Variants in SPAG16 observed in about 807,000 individuals in gnomAD.
The protein encoded by SPAG16 is sperm-associated antigen 16 protein.
In SPAG16, 86 loss-of-function variants were observed where a neutral mutation model predicts 80.4. That is an observed-to-expected ratio of 1.07 (90% CI 0.90 to 1.28). The LOEUF (loss-of-function observed/expected upper bound fraction) is 1.28, where lower values mean the gene tolerates loss of function less well. SPAG16 is among the 50% of genes most tolerant of loss of function. SPAG16 has a pLI of 0.00. For missense variants in SPAG16, 870 were observed against 765.3 expected, an observed-to-expected ratio of 1.14 and a Z score of -1.61; for synonymous variants, 294 against 265.9, an observed-to-expected ratio of 1.11 and a Z score of -1.03.
chr2:213,927,853 G>A (rs528707692), intron 11 of SPAG16, among the ~76,000 whole-genome samples: 1 of 152,182 alleles, frequency 6.6e-6, no homozygotes, highest in Admixed American at 6.5e-5. Flanking sequence ...GATACCCATT[G>A]GAAAGATAGA....
chr2:214,363,090 C>T (rs1460789645), intron 15 of SPAG16, among the ~76,000 whole-genome samples: 5 of 151,812 alleles, frequency 3.3e-5, no homozygotes, highest in African/African-American at 1.2e-4. Flanking sequence ...TAATCTCTAC[C>T]TTTTTGTTAT....
At chr2:213,800,279 A>G (rs938866226) in intron 10 of SPAG16, among the ~76,000 whole-genome samples, 2 of 150,526 alleles carry the variant, frequency 1.3e-5, no homozygotes, top group Admixed American at 1.3e-4. Flanking sequence ...ACTTTCCTTC[A>G]TCTTGTCTCC....
intron 14 of SPAG16, among the ~76,000 whole-genome samples, chr2:214,123,818 G>A (rs2054340914): frequency 6.6e-6 from 1 of 151,986 alleles, no homozygotes; most frequent in African/African-American, 2.4e-5. Context: ...TCCTGAAGTG[G>A]TGACAACATG....
At chr2:213,986,454 G>A (rs746771064) in intron 12 of SPAG16, among the ~76,000 whole-genome samples, 3 of 151,778 alleles carry the variant, frequency 2.0e-5, no homozygotes, top group South Asian at 2.1e-4. Context: ...CTAAGGGGCT[G>A]TATTTTAGAT....
intron 15 of SPAG16, among the ~76,000 whole-genome samples, chr2:214,289,181 C>T (rs1221136999): frequency 1.3e-5 from 2 of 152,176 alleles, no homozygotes; most frequent in Non-Finnish European, 2.9e-5. Context: ...TATTTTCTCC[C>T]ATTCAACAGG....
intron 15 of SPAG16, among the ~76,000 whole-genome samples, chr2:214,231,308 G>A (rs1386880408): frequency 6.6e-6 from 1 of 151,886 alleles, no homozygotes; most frequent in Non-Finnish European, 1.5e-5. Flanking sequence ...TTTTGCAAGT[G>A]GATGTTTTAA....
intron 14 of SPAG16, among the ~76,000 whole-genome samples, chr2:214,139,810 C>T (rs113997557): frequency 0.016 from 2,428 of 152,222 alleles, 61 homozygotes; most frequent in African/African-American, 0.056. Flanking sequence ...GGCTTACTTT[C>T]CAACCTGACT....
At chr2:214,153,531 A>G (rs776905000) in intron 15 of SPAG16, among the ~76,000 whole-genome samples, 2 of 152,108 alleles carry the variant, frequency 1.3e-5, no homozygotes, top group African/African-American at 4.8e-5. Context: ...CTTGCCACCC[A>G]CAGTCTACCA....
rs148763773 is a variant in SPAG16, at chr2:213,952,788, A to G, written c.1400+22643A>G. ...TAAGGATAATTTGGACTTCAAAGAAATAACCAATAGCTGAAATATGGGTGT... is the reference window on the plus strand; with the variant it reads ...TAAGGATAATTTGGACTTCAAAGAAGTAACCAATAGCTGAAATATGGGTGT... On this transcript the variant is annotated intron_variant, in intron 12 of 15. Coordinates refer to ENST00000331683, the MANE Select transcript of SPAG16 (RefSeq NM_024532.5). Among the ~76,000 whole-genome samples the G allele has an allele frequency of 1.7e-3, 254 of 152,220 alleles. 2 individuals carry two copies. Among genetic ancestry groups the G allele is most frequent in the African/African-American group, 5.9e-3 (246 of 41,578 alleles).
At chr2:213,524,367 G>A (rs2075800696) in intron 10 of SPAG16, among the ~76,000 whole-genome samples, 1 of 152,200 alleles carries the variant, frequency 6.6e-6, no homozygotes, top group African/African-American at 2.4e-5. Flanking sequence ...TAGAACCTCT[G>A]CCAGAGTAGT....
chr2:214,355,162 T>C (rs1195666994), intron 15 of SPAG16, among the ~76,000 whole-genome samples: 1 of 150,102 alleles, frequency 6.7e-6, no homozygotes, highest in Non-Finnish European at 1.5e-5. Context: ...AAAGCCAAAA[T>C]TGACAAATGG....
chr2:213,694,573 G>C (rs967251865), intron 10 of SPAG16, among the ~76,000 whole-genome samples: 3 of 152,076 alleles, frequency 2.0e-5, no homozygotes, highest in Non-Finnish European at 4.4e-5. Flanking sequence ...TGACTTCCCT[G>C]AATTCCAAAA....
At chr2:213,579,278 C>T (rs989700393) in intron 10 of SPAG16, among the ~76,000 whole-genome samples, 1 of 152,054 alleles carries the variant, frequency 6.6e-6, no homozygotes, top group South Asian at 2.1e-4. Flanking sequence ...GAAAATGGGG[C>T]TTGATTCCAA....
rs952380038 is a variant in SPAG16 at position 214,038,559 on chromosome 2, T to C, written c.1527+24482T>C. On this transcript the variant is annotated intron_variant, in intron 13 of 15. Coordinates refer to ENST00000331683, the MANE Select transcript of SPAG16 (RefSeq NM_024532.5). ...TTCTTTTTTTTTAGATTTTTTTTAA[T>C]ACTTTAAGTTTTAGGGTACATGTGC... 3.3e-5 allele frequency among the ~76,000 whole-genome samples: 5 copies of C among 152,202 alleles called. No homozygotes were observed. The South Asian group carries it at 8.3e-4, about 25-fold the overall frequency.
intron 11 of SPAG16, among the ~76,000 whole-genome samples, chr2:213,928,741 G>T (rs865847566): frequency 1.3e-5 from 2 of 152,232 alleles, no homozygotes; most frequent in South Asian, 2.1e-4. Flanking sequence ...GAGATGAAAT[G>T]CAATTCTCCA....
At chr2:213,427,174 C>T (rs184180109) in intron 9 of SPAG16, among the ~76,000 whole-genome samples, 2 of 152,156 alleles carry the variant, frequency 1.3e-5, no homozygotes, top group African/African-American at 2.4e-5. Flanking sequence ...AAGTTGTGAA[C>T]ATAAAATAAT....
intron 11 of SPAG16, 129 bp from the exon 12 acceptor site, chr2:213,929,831 T>C (rs2078668799): frequency 1.4e-6 from 1 of 730,280 alleles, no homozygotes. Flanking sequence ...TTTAGTCATT[T>C]AGATATGCCA....
chr2:213,940,758 T>C (rs1330430031), intron 12 of SPAG16, among the ~76,000 whole-genome samples: 1 of 152,168 alleles, frequency 6.6e-6, no homozygotes, highest in Non-Finnish European at 1.5e-5. Context: ...TTCCTAATCT[T>C]TATGAATTGT....
intron 15 of SPAG16, among the ~76,000 whole-genome samples, chr2:214,342,077 G>C (rs1469257849): frequency 1.3e-5 from 2 of 152,058 alleles, no homozygotes. Flanking sequence ...AAACAAAATT[G>C]CTCAAAAACT....
Sources: gnomAD v4.1 joint callset for allele counts (sites outside exome capture counted in the v4.1 genomes callset) on GRCh38, gnomAD v4.1.1 for gene constraint, MANE v1.5 for transcripts, NCBI Gene and HGNC (gene_info 2026-07-23, HGNC 2026-07-21) for gene names.